The following PARD3B variants were observed in gnomAD, a reference collection of about 807,000 sequenced individuals.
PARD3B encodes partitioning defective 3 homolog B.
In PARD3B, 103 loss-of-function variants were observed where a neutral mutation model predicts 130.2. That is an observed-to-expected ratio of 0.79 (90% CI 0.67 to 0.93). The LOEUF is 0.93. Ranked by LOEUF, PARD3B falls within the 40% of genes least tolerant of loss-of-function variation. PARD3B has a pLI of 0.00. For synonymous variants in PARD3B, 583 were observed against 553.2 expected (o/e 1.05, Z -0.76); for missense variants, 1,609 against 1,499.2 (o/e 1.07, Z -1.21).
At chr2:205,235,326 G>A (rs532465284) in intron 15 of PARD3B, among the ~76,000 whole-genome samples, 8 of 152,246 alleles carry the variant, frequency 5.3e-5, no homozygotes, top group Middle Eastern at 3.4e-3. Context: ...GGAGGCTGAC[G>A]TGGGAGAATC....
At chr2:204,759,673 T>A (rs2040819785) in intron 2 of PARD3B, among the ~76,000 whole-genome samples, 1 of 152,120 alleles carries the variant, frequency 6.6e-6, no homozygotes. Flanking sequence ...TAGTGGGGAA[T>A]TGCTGGGTCA....
Position 204,632,521 on chromosome 2 carries a change from T to A in PARD3B, c.121-53660T>A, listed in dbSNP as rs961991115. ...TGTTGTTTGCTTTTTTTTCTTTTAG[T>A]GGTCTGCCCACTCTTCTGTAGGGCT... On this transcript the variant is annotated intron_variant, in intron 1 of 22. Transcript: ENST00000406610. 2.0e-4 allele frequency among the ~76,000 whole-genome samples: 30 copies of A among 152,150 alleles called. 1 individual carries two copies. The highest frequency in any genetic ancestry group is 6.5e-4 in the African/African-American group (27 of 41,418).
intron 1 of PARD3B, among the ~76,000 whole-genome samples, chr2:204,572,380 T>A (rs1399006823): frequency 6.6e-6 from 1 of 151,800 alleles, no homozygotes; most frequent in African/African-American, 2.4e-5. Flanking sequence ...TGCAGAAAAG[T>A]GGGGGAGGAA....
At chr2:204,880,740 C>T (rs959785362) in intron 2 of PARD3B, among the ~76,000 whole-genome samples, 4 of 151,054 alleles carry the variant, frequency 2.6e-5, no homozygotes, top group Non-Finnish European at 5.9e-5. Context: ...TGATGTGGGG[C>T]TGCACACAAA....
chr2:205,131,792 C>T (rs756428289), intron 10 of PARD3B, among the ~76,000 whole-genome samples: 2 of 151,990 alleles, frequency 1.3e-5, no homozygotes, highest in African/African-American at 4.8e-5. Flanking sequence ...GACAGATTAC[C>T]GAACAGGAGA....
At chr2:205,534,807 A>G (rs2051768247) in intron 21 of PARD3B, among the ~76,000 whole-genome samples, 2 of 152,114 alleles carry the variant, frequency 1.3e-5, no homozygotes, top group South Asian at 4.1e-4. Context: ...CTAATTTTCT[A>G]AGATGCATAG....
chr2:205,000,018 G>T (rs1285024791), intron 3 of PARD3B, among the ~76,000 whole-genome samples: 1 of 151,398 alleles, frequency 6.6e-6, no homozygotes, highest in East Asian at 1.9e-4. Context: ...CAAGTCACAG[G>T]GTTTTTTTTT....
At chr2:205,569,995 C>A (rs1224911299) in intron 22 of PARD3B, among the ~76,000 whole-genome samples, 1 of 152,124 alleles carries the variant, frequency 6.6e-6, no homozygotes, top group Non-Finnish European at 1.5e-5. Flanking sequence ...TCTAAGCATG[C>A]TCCTCAGAGA....
At chr2:205,227,425 A>G (rs2125886270) in intron 15 of PARD3B, among the ~76,000 whole-genome samples, 1 of 152,280 alleles carries the variant, frequency 6.6e-6, no homozygotes, top group Middle Eastern at 3.4e-3. Flanking sequence ...CTTTATCATT[A>G]TATAGTGACC....
chr2:205,433,093 TTATA>T (rs1235312314), intron 19 of PARD3B, among the ~76,000 whole-genome samples: 4 of 152,210 alleles, frequency 2.6e-5, no homozygotes, highest in African/African-American at 9.6e-5. Context: ...TGTTAATTTG[TTATA>T]ATAACTGCTT....
rs111299083 is a variant in PARD3B, at chr2:205,616,063, G to T, written c.*250G>T. 1.6e-5 allele frequency: 8 copies of T among 495,692 alleles called. No homozygotes were observed. The highest frequency in any genetic ancestry group is 1.2e-4 in the African/African-American group (6 of 51,798). The allele number at this position is 495,692 out of a possible 1,614,324, so 30.7% of individuals were successfully genotyped here. ...AACAAAACTACCTGATAGTTGAAACGCTTTCAGAGTTGTTCAAATCAGTGA... is the reference window on the plus strand; with the variant it reads ...AACAAAACTACCTGATAGTTGAAACTCTTTCAGAGTTGTTCAAATCAGTGA... On this transcript the variant is annotated 3_prime_UTR_variant, in exon 23 of 23. Coordinates refer to ENST00000406610, the MANE Select transcript of PARD3B (RefSeq NM_001302769.2).
At chr2:205,076,317 G>A (rs1701060181) in intron 4 of PARD3B, among the ~76,000 whole-genome samples, 1 of 152,212 alleles carries the variant, frequency 6.6e-6, no homozygotes, top group South Asian at 2.1e-4. Flanking sequence ...CTTCAAGGAT[G>A]TCTAAAACTT....
intron 13 of PARD3B, among the ~76,000 whole-genome samples, chr2:205,185,251 C>T (rs1389937463): frequency 6.7e-6 from 1 of 148,314 alleles, no homozygotes; most frequent in South Asian, 2.1e-4. Flanking sequence ...AAAGAGCGCA[C>T]GTTTGTGTGT....
At chr2:205,390,832 T>C (rs2045832896) in intron 18 of PARD3B, among the ~76,000 whole-genome samples, 1 of 152,244 alleles carries the variant, frequency 6.6e-6, no homozygotes, top group Admixed American at 6.5e-5. Context: ...ATTGCCCATG[T>C]GTTACTTTAT....
At chr2:204,798,064 A>G (rs2042436120) in intron 2 of PARD3B, among the ~76,000 whole-genome samples, 1 of 152,224 alleles carries the variant, frequency 6.6e-6, no homozygotes, top group African/African-American at 2.4e-5. Flanking sequence ...CACTCAAGAA[A>G]GTACCTTCAT....
intron 21 of PARD3B, among the ~76,000 whole-genome samples, chr2:205,539,689 A>T (rs781594943): frequency 1.3e-5 from 2 of 152,174 alleles, no homozygotes; most frequent in African/African-American, 2.4e-5. Context: ...AGTAGTTTAG[A>T]TATCCGGTTC....
chr2:204,996,281 G>A (rs1272862417), intron 3 of PARD3B, among the ~76,000 whole-genome samples: 2 of 150,250 alleles, frequency 1.3e-5, no homozygotes, highest in African/African-American at 2.5e-5. Context: ...CTTTCTGGTT[G>A]TTAGTTTTCC....
chr2:204,882,067 A>G (rs2046075388), intron 2 of PARD3B, among the ~76,000 whole-genome samples: 1 of 152,206 alleles, frequency 6.6e-6, no homozygotes, highest in African/African-American at 2.4e-5. Context: ...TCCTGTAGCA[A>G]GGGATAGAAC....
chr2:205,051,964 C>T (rs36012178), intron 4 of PARD3B, among the ~76,000 whole-genome samples: 23,949 of 152,012 alleles, frequency 0.16, 2,491 homozygotes, highest in Non-Finnish European at 0.23. Flanking sequence ...ATAGCAAATC[C>T]AACTCTATTG....
Sources: allele counts gnomAD v4.1 joint callset (sites outside exome capture counted in the v4.1 genomes callset), GRCh38; gene constraint gnomAD v4.1.1; transcripts MANE v1.5; gene names NCBI Gene and HGNC (gene_info 2026-07-23, HGNC 2026-07-21).